Variants in TSKS observed in about 807,000 individuals in gnomAD.
TSKS encodes the protein testis specific serine kinase substrate, also known as testis-specific serine kinase substrate.
In TSKS, 27 loss-of-function variants were observed where a neutral mutation model predicts 68.0. The observed-to-expected ratio is 0.40, with a 90% CI of 0.29 to 0.55. TSKS has a LOEUF of 0.55. Ranked by LOEUF, TSKS falls within the 20% of genes least tolerant of loss-of-function variation. The probability of loss-of-function intolerance (pLI) is 0.53; values close to 1 mark genes in which losing one functional copy is unlikely to be tolerated. For missense variants in TSKS, 806 were observed against 776.0 expected (o/e 1.04, Z -0.46); for synonymous variants, 331 against 340.4 (o/e 0.97, Z 0.30).
rs78498536 is a variant in TSKS at position 49,742,160 on chromosome 19, A to C, written c.1362-140T>G. 1,180 of 894,254 alleles carry C rather than the reference A, an allele frequency of 1.3e-3. 6 individuals carry two copies. The African/African-American group carries it at 0.015, about 12-fold the overall frequency. 55.4% of individuals were successfully genotyped at this position (894,254 alleles called of 1,614,324 possible). On this transcript the variant is annotated intron_variant, in intron 8 of 10. Coordinates refer to ENST00000246801, the MANE Select transcript of TSKS (RefSeq NM_021733.2). Reference sequence around the variant, plus strand: ...GCAACCTTCCCAGCATGCACTGTGCACCAGCTGTCCCTTGGTTTCCATGGT... The same window carrying C: ...GCAACCTTCCCAGCATGCACTGTGCCCCAGCTGTCCCTTGGTTTCCATGGT...
intron 2 of TSKS, among the ~76,000 whole-genome samples, chr19:49,754,809 G>A (rs2084380487): frequency 6.6e-6 from 1 of 152,002 alleles, no homozygotes; most frequent in Admixed American, 6.6e-5. Context: ...AGAAATTATA[G>A]GGTTGAAGGG....
intron 8 of TSKS, 141 bp downstream of exon 8, chr19:49,744,090 C>G: frequency 1.2e-6 from 1 of 810,270 alleles, no homozygotes; most frequent in Middle Eastern, 3.9e-4. Context: ...TGCAGCAGGA[C>G]CGGCTGTTTC....
chr19:49,762,129 G>C lies in TSKS; in HGVS notation c.274C>G (p.Pro92Ala). ...VSLLNLAAME[P>A]TDSTGTDSTV... ...GAGTCTGTCCCCGTGGAGTCAGTGG[G>C]CTCCATGGCGGCCAGGTTGAGCAGT... The change falls in exon 2 of 11, where the codon CCC (proline) becomes GCC (alanine). Residue 92 changes from proline to alanine, a missense_variant. Pro to Ala is a conservative substitution (Grantham distance 27, BLOSUM62 -1). Coordinates refer to ENST00000246801, the MANE Select transcript of TSKS (RefSeq NM_021733.2). 1 of 1,614,126 alleles carries C rather than the reference G, an allele frequency of 6.2e-7. No individual in the cohort carries two copies. Among genetic ancestry groups the C allele is most frequent in the African/African-American group, 1.3e-5 (1 of 75,040 alleles).
At chr19:49,741,776 G>A in intron 9 of TSKS, 109 bp downstream of exon 9, 2 of 1,491,374 alleles carry the variant, frequency 1.3e-6, no homozygotes, top group South Asian at 2.4e-5. Context: ...TCCCAGCTCA[G>A]CCCTTCCCCT....
chr19:49,746,324 C>T (rs1725641013), intron 6 of TSKS, 146 bp downstream of exon 6: 1 of 935,648 alleles, frequency 1.1e-6, no homozygotes, highest in Admixed American at 2.6e-5. Context: ...CACCTCAGGT[C>T]CCCGAGGCTC....
In TSKS at chr19:49,748,364, G is replaced by A; in HGVS notation, c.495+10C>T. On this transcript the variant is annotated intron_variant, in intron 3 of 10. Coordinates refer to ENST00000246801, the MANE Select transcript of TSKS (RefSeq NM_021733.2). The stretch of plus-strand genomic sequence containing the variant: ...GAAGGGCAGGTGTTGGATATAGGGG[G>A]TCCTCACACCTGCAGAGACTGCACG... 6.2e-7 allele frequency: 1 copy of A among 1,612,792 alleles called. No homozygotes were observed. Among genetic ancestry groups the A allele is most frequent in the East Asian group, 2.2e-5 (1 of 44,876 alleles).
intron 2 of TSKS, among the ~76,000 whole-genome samples, chr19:49,761,448 C>T (rs554724958): frequency 6.6e-6 from 1 of 152,352 alleles, no homozygotes; most frequent in Admixed American, 6.5e-5. Context: ...CCTACTCACT[C>T]ACTAAGGTCC....
chr19:49,755,932 C>T (rs1330285453), intron 2 of TSKS, among the ~76,000 whole-genome samples: 7 of 151,582 alleles, frequency 4.6e-5, no homozygotes, highest in Admixed American at 1.3e-4. Context: ...ACCTGGGAGG[C>T]GGAGGTTGCA....
chr19:49,758,913 A>C (rs1335793611), intron 2 of TSKS, among the ~76,000 whole-genome samples: 2 of 151,500 alleles, frequency 1.3e-5, no homozygotes, highest in Non-Finnish European at 2.9e-5. Context: ...GCTGGAGTGC[A>C]ATGGCACGAT....
At position 49,757,867 on chromosome 19, in the gene TSKS, T is replaced by G. The variant is rs535991750; in HGVS notation, c.399+4137A>C. On this transcript the variant is annotated intron_variant, in intron 2 of 10. Transcript: ENST00000246801. Reference sequence around the variant, plus strand: ...CTTATTTTTCCTGAGTCTCTGCCTTTCTACTCTTTAGGTCTCTGTCTTCTT... The same window carrying G: ...CTTATTTTTCCTGAGTCTCTGCCTTGCTACTCTTTAGGTCTCTGTCTTCTT... 2.7e-3 allele frequency among the ~76,000 whole-genome samples: 405 copies of G among 151,874 alleles called. 1 individual carries two copies. Among genetic ancestry groups the G allele is most frequent in the Non-Finnish European group, 4.0e-3 (270 of 67,956 alleles).
intron 2 of TSKS, among the ~76,000 whole-genome samples, chr19:49,761,766 C>G (rs2084442354): frequency 6.6e-6 from 1 of 151,970 alleles, no homozygotes; most frequent in Non-Finnish European, 1.5e-5. Flanking sequence ...GAGTTTGAGA[C>G]CATCTTGGGC....
intron 2 of TSKS, among the ~76,000 whole-genome samples, chr19:49,750,272 T>C (rs2084338404): frequency 6.6e-6 from 1 of 151,854 alleles, no homozygotes; most frequent in South Asian, 2.1e-4. Context: ...CTTTTTTTTT[T>C]TTTTTTTGAC....
rs140620937 is a variant in TSKS, at chr19:49,759,145, C to T, written c.399+2859G>A. Among the ~76,000 whole-genome samples the T allele has an allele frequency of 1.8e-4, 28 of 151,932 alleles. No individual in the cohort carries two copies. In the East Asian group the frequency reaches 2.7e-3, roughly 15 times the overall value. On this transcript the variant is annotated intron_variant, in intron 2 of 10. Transcript: ENST00000246801. ...GTGCTGGGATTACAGGCATGAGCCA[C>T]GAAGCCCGGCCTCAAATATTTTTTT...
chr19:49,757,581 T>C (rs574166965), intron 2 of TSKS, among the ~76,000 whole-genome samples: 50 of 152,222 alleles, frequency 3.3e-4, no homozygotes, highest in African/African-American at 1.2e-3. Flanking sequence ...TGCCTCTGCT[T>C]CCCTACCTGT....
Position 49,739,813 on chromosome 19 carries a change from G to T in TSKS, c.1742C>A (p.Thr581Asn). The T allele has an allele frequency of 6.3e-7, 1 of 1,592,364 alleles. No homozygotes were observed. Among genetic ancestry groups the T allele is most frequent in the African/African-American group, 1.3e-5 (1 of 74,552 alleles). Residue 581 changes from threonine to asparagine, a missense_variant, in exon 11 of 11, where the codon ACC (threonine) becomes AAC (asparagine). Thr to Asn is a moderately conservative substitution (Grantham distance 65, BLOSUM62 0). Transcript: ENST00000246801. ...GTMGGGSSAG[T>N]PPKQGGSAPE... ...GGCTGAGCCCCCCTGTTTTGGGGGG[G>T]TTCCTGCACTGCTGCCTCCCCCCAT... is the stretch of plus-strand genomic sequence containing the variant.
intron 2 of TSKS, among the ~76,000 whole-genome samples, chr19:49,750,328 G>A (rs2084339490): frequency 1.4e-5 from 2 of 147,230 alleles, no homozygotes; most frequent in Admixed American, 6.9e-5. Flanking sequence ...GCATGATCTC[G>A]GCTCACTGCA....
At chr19:49,741,278 C>T (rs899376568) in intron 9 of TSKS, among the ~76,000 whole-genome samples, 7 of 152,176 alleles carry the variant, frequency 4.6e-5, no homozygotes, top group African/African-American at 1.7e-4. Flanking sequence ...AGTCCTATAG[C>T]TCGGCCACAT....
At chr19:49,747,613 A>T in intron 4 of TSKS, 141 bp from the exon 5 acceptor site, 1 of 817,312 alleles carries the variant, frequency 1.2e-6, no homozygotes, top group Non-Finnish European at 2.0e-6. Context: ...TTCCTTGGCT[A>T]AGGGGATGGC....
chr19:49,741,572 C>T (rs1286324810), intron 9 of TSKS, among the ~76,000 whole-genome samples: 2 of 152,130 alleles, frequency 1.3e-5, no homozygotes, highest in Admixed American at 6.6e-5. Flanking sequence ...GAAAATCAGG[C>T]CTATGTTCCA....
Sources: gnomAD v4.1 joint callset for allele counts (sites outside exome capture counted in the v4.1 genomes callset) on GRCh38, gnomAD v4.1.1 for gene constraint, MANE v1.5 for transcripts, NCBI Gene and HGNC (gene_info 2026-07-23, HGNC 2026-07-21) for gene names.